ATP2A3: variants seen among roughly 807,000 people sequenced by gnomAD.
ATP2A3 encodes the protein ATPase sarcoplasmic/endoplasmic reticulum Ca2+ transporting 3.
Under a neutral mutation model 106.8 loss-of-function variants are expected in ATP2A3, and 61 were observed. The observed-to-expected ratio is 0.57, with a 90% confidence interval of 0.46 to 0.71. The LOEUF is 0.71. Ranked by LOEUF, ATP2A3 falls within the 30% of genes least tolerant of loss-of-function variation. The pLI is 0.00. For missense variants in ATP2A3, 1,201 were observed against 1,423.5 expected (o/e 0.84, Z 2.52); for synonymous variants, 611 against 609.3 (o/e 1.00, Z -0.04).
Position 3,953,297 on chromosome 17 carries a change from C to T in ATP2A3, c.219+50G>A. 3 of 1,592,628 alleles carry T rather than the reference C, an allele frequency of 1.9e-6. No individual in the cohort carries two copies. The highest frequency in any genetic ancestry group is 2.6e-6 in the Non-Finnish European group (3 of 1,161,012). On this transcript the variant is annotated intron_variant, in intron 3 of 20. Coordinates refer to ENST00000397041, the MANE Select transcript of ATP2A3 (RefSeq NM_005173.4). The surrounding 1 kb of genome is among the most constrained non-coding windows in gnomAD (Gnocchi z 5.1). Reference sequence around the variant, plus strand: ...TCGGAGCACTGCCCAGCCTGGCTCTCCCTCCAGGGCTACCGACTACCACAG... The same window carrying T: ...TCGGAGCACTGCCCAGCCTGGCTCTTCCTCCAGGGCTACCGACTACCACAG...
chr17:3,928,924 G>T lies in ATP2A3; in HGVS notation c.2863-144C>A, dbSNP rs2052878158. 1 of 649,944 alleles carries T rather than the reference G, an allele frequency of 1.5e-6. No homozygotes were observed. The highest frequency in any genetic ancestry group is 2.8e-5 in the East Asian group (1 of 36,164). The allele number at this position is 649,944 out of a possible 1,614,324, so 40.3% of individuals were successfully genotyped here. A position where few individuals can be genotyped will look rare whatever the true frequency, so the allele number is the denominator to read the frequency against. ...CCCCCTGGATGCACCCCCGATCTTT[G>T]TCCACTCAGCTGCACCCCCCGATCT... On this transcript the variant is annotated intron_variant, in intron 19 of 20. Transcript: ENST00000397041. The surrounding 1 kb of genome is among the most constrained non-coding windows in gnomAD (Gnocchi z 6.1).
Position 3,947,916 on chromosome 17 carries a change from T to TGGTTG in ATP2A3, c.631-62_631-61insCAACC. On this transcript the variant is annotated intron_variant, in intron 7 of 20. Coordinates refer to ENST00000397041, the MANE Select transcript of ATP2A3 (RefSeq NM_005173.4). This position sits in a 1 kb window ranked among gnomAD's most constrained non-coding sequence, Gnocchi z 7.7. Reference sequence around the variant, plus strand: ...CAGCCAACCAGGGGCCCAGGACCCCTGACTCCTTCAGGCCGGAATAAGGCA... The same window carrying TGGTTG: ...CAGCCAACCAGGGGCCCAGGACCCCTGGTTGGACTCCTTCAGGCCGGAATAAGGCA... 1 of 1,534,168 alleles carries TGGTTG rather than the reference T, an allele frequency of 6.5e-7. No individual in the cohort carries two copies. The highest frequency in any genetic ancestry group is 8.9e-7 in the Non-Finnish European group (1 of 1,124,954).
At position 3,928,916 on chromosome 17, in the gene ATP2A3, C is replaced by T. The variant is rs549522907; in HGVS notation, c.2863-136G>A. 45 of 666,076 alleles carry T rather than the reference C, an allele frequency of 6.8e-5. No homozygotes were observed. Among genetic ancestry groups the T allele is most frequent in the South Asian group, 1.2e-4 (7 of 56,480 alleles). 41.3% of individuals were successfully genotyped at this position (666,076 alleles called of 1,614,324 possible). A position where few individuals can be genotyped will look rare whatever the true frequency, so the allele number is the denominator to read the frequency against. On this transcript the variant is annotated intron_variant, in intron 19 of 20. Transcript: ENST00000397041. This position sits in a 1 kb window ranked among gnomAD's most constrained non-coding sequence, Gnocchi z 6.1. ...CCTAAGAACCCCCTGGATGCACCCCCGATCTTTGTCCACTCAGCTGCACCC... is the reference window on the plus strand; with the variant it reads ...CCTAAGAACCCCCTGGATGCACCCCTGATCTTTGTCCACTCAGCTGCACCC...
At chr17:3,948,114 G>A (rs2054221582) in intron 7 of ATP2A3, among the ~76,000 whole-genome samples, 1 of 152,200 alleles carries the variant, frequency 6.6e-6, no homozygotes. Context: ...GGGCACAGAG[G>A]AGGCACGGGG....
chr17:3,942,409 G>A (rs1377121824), intron 12 of ATP2A3, among the ~76,000 whole-genome samples, 197 bp downstream of exon 12: 1 of 152,188 alleles, frequency 6.6e-6, no homozygotes, highest in Non-Finnish European at 1.5e-5. Flanking sequence ...CCCTCCCTGG[G>A]ACTCAGTTTC....
At chr17:3,950,979 C>A (rs998859128) in intron 5 of ATP2A3, among the ~76,000 whole-genome samples, 1 of 151,534 alleles carries the variant, frequency 6.6e-6, no homozygotes, top group Non-Finnish European at 1.5e-5. Flanking sequence ...CGACAGCCAC[C>A]CCCTCTGTAT....
intron 14 of ATP2A3, among the ~76,000 whole-genome samples, chr17:3,940,754 C>T (rs976459312): frequency 1.4e-4 from 22 of 152,116 alleles, no homozygotes; most frequent in Admixed American, 2.6e-4. Context: ...CTGATCCGCC[C>T]GCCTCAGCCT....
At chr17:3,935,535 CTT>C (rs10668980) in intron 16 of ATP2A3, among the ~76,000 whole-genome samples, 8 of 114,016 alleles carry the variant, frequency 7.0e-5, no homozygotes, top group Admixed American at 4.0e-4. Context: ...CCTGTTGAGA[CTT>C]TTTTTTTTTT....
At position 3,930,461 on chromosome 17, in the gene ATP2A3, G is replaced by A; in HGVS notation, c.2611-27C>T. On this transcript the variant is annotated intron_variant, in intron 17 of 20. Transcript: ENST00000397041. The surrounding 1 kb of genome is among the most constrained non-coding windows in gnomAD (Gnocchi z 5.4). ...TGGGGGCACCGTGGCAGGTCAGAGA[G>A]AGCGGCAGGTCAGGCGAGGGGCTGG... 2 of 1,612,942 alleles carry A rather than the reference G, an allele frequency of 1.2e-6. No individual in the cohort carries two copies. Among genetic ancestry groups the A allele is most frequent in the Non-Finnish European group, 1.7e-6 (2 of 1,179,908 alleles).
At chr17:3,939,954 C>A (rs993181672) in intron 14 of ATP2A3, among the ~76,000 whole-genome samples, 1 of 148,672 alleles carries the variant, frequency 6.7e-6, no homozygotes, top group African/African-American at 2.5e-5. Context: ...AAACAGTGAT[C>A]GCCTGTTTTG....
intron 1 of ATP2A3, among the ~76,000 whole-genome samples, chr17:3,957,755 C>T (rs190651744): frequency 6.6e-6 from 1 of 152,354 alleles, no homozygotes; most frequent in African/African-American, 2.4e-5. Flanking sequence ...TGAGATAGTT[C>T]CCCTTGAAAT....
At chr17:3,940,577 G>A (rs1471610771) in intron 14 of ATP2A3, among the ~76,000 whole-genome samples, 2 of 152,100 alleles carry the variant, frequency 1.3e-5, no homozygotes, top group Non-Finnish European at 2.9e-5. Context: ...GCGTGATCTC[G>A]GCTCACTGCA....
rs1046595871 is a variant in ATP2A3, at chr17:3,958,831, T to TAC, written c.119-5123_119-5122dup. ...ACATATATATATACACACATATATA[T>TAC]ACACACACACATATATAAATATATA... is the stretch of plus-strand genomic sequence containing the variant. On this transcript the variant is annotated intron_variant, in intron 1 of 20. Coordinates refer to ENST00000397041, the MANE Select transcript of ATP2A3 (RefSeq NM_005173.4). Among the ~76,000 whole-genome samples, 46 of 131,698 alleles carry TAC rather than the reference T, an allele frequency of 3.5e-4. 2 individuals are homozygous for TAC. Among genetic ancestry groups the TAC allele is most frequent in the Middle Eastern group, 3.8e-3 (1 of 260 alleles). 86.4% of individuals were successfully genotyped at this position (131,698 alleles called of 152,430 possible).
intron 14 of ATP2A3, among the ~76,000 whole-genome samples, chr17:3,938,853 T>A (rs954274535): frequency 2.0e-5 from 3 of 152,106 alleles, no homozygotes; most frequent in Admixed American, 2.0e-4. Flanking sequence ...GGAATTCATA[T>A]CAGGGTTAAG....
Position 3,943,499 on chromosome 17 carries a change from C to T in ATP2A3, c.1311G>A (p.Val437=). ...YNEAKGVYEK[V]GEATETALTC... is the part of the protein sequence containing the mutation. ...TCAGAGCTGTCTCCGTGGCCTCTCCCACCTTCTCATACACACCCTTGGCCT... is the reference window on the plus strand; with the variant it reads ...TCAGAGCTGTCTCCGTGGCCTCTCCTACCTTCTCATACACACCCTTGGCCT... The change falls in exon 11 of 21, where the codon GTG becomes GTA. Residue 437 remains valine, a synonymous_variant. Coordinates refer to ENST00000397041, the MANE Select transcript of ATP2A3 (RefSeq NM_005173.4). The T allele has an allele frequency of 1.2e-6, 2 of 1,614,134 alleles. No individual in the cohort carries two copies. The highest frequency in any genetic ancestry group is 1.1e-5 in the South Asian group (1 of 91,084).
Position 3,950,597 on chromosome 17 carries a change from C to G in ATP2A3, c.545-1G>C, listed in dbSNP as rs1388274584. On this transcript the variant is annotated splice_acceptor_variant, in intron 6 of 20. Transcript: ENST00000397041. LOFTEE classifies it high-confidence loss of function. ...TGCTTGGTCACGGACACAGATTCACCTGGTCAGGGAATCAGAGATGAGAAG... is the reference window on the plus strand; with the variant it reads ...TGCTTGGTCACGGACACAGATTCACGTGGTCAGGGAATCAGAGATGAGAAG... The G allele has an allele frequency of 6.2e-7, 1 of 1,614,048 alleles. No homozygotes were observed. The highest frequency in any genetic ancestry group is 1.3e-5 in the African/African-American group (1 of 74,926).
Position 3,953,312 on chromosome 17 carries a change from G to A in ATP2A3, c.219+35C>T, listed in dbSNP as rs375566605. ...GCCTGGCTCTCCCTCCAGGGCTACC[G>A]ACTACCACAGGATGGCTGGCAGGGC... On this transcript the variant is annotated intron_variant, in intron 3 of 20. Coordinates refer to ENST00000397041, the MANE Select transcript of ATP2A3 (RefSeq NM_005173.4). This position sits in a 1 kb window ranked among gnomAD's most constrained non-coding sequence, Gnocchi z 5.1. 22 of 1,607,424 alleles carry A rather than the reference G, an allele frequency of 1.4e-5. No homozygotes were observed. The highest frequency in any genetic ancestry group is 1.2e-4 in the South Asian group (11 of 90,882).
At chr17:3,950,160 ATATT>A (rs2054331859) in intron 7 of ATP2A3, among the ~76,000 whole-genome samples, 1 of 138,768 alleles carries the variant, frequency 7.2e-6, no homozygotes, top group Non-Finnish European at 1.6e-5. Context: ...AGAAAAAAAA[ATATT>A]TTTTTTTTTT....
In ATP2A3 at chr17:3,951,269, C is replaced by G; in HGVS notation, c.445G>C (p.Asp149His). 6.2e-7 allele frequency: 1 copy of G among 1,613,398 alleles called. No individual in the cohort carries two copies. The highest frequency in any genetic ancestry group is 8.5e-7 in the Non-Finnish European group (1 of 1,179,840). Reference sequence around the variant, plus strand: ...GGCATACCTGCCACTTCTACAATGTCCCCTGGGACGATGTCCCGGGCACGG... The same window carrying G: ...GGCATACCTGCCACTTCTACAATGTGCCCTGGGACGATGTCCCGGGCACGG... The part of the protein sequence containing the change: ...RIRARDIVPG[D>H]IVEVAVGDKV... The change falls in exon 5 of 21, where the codon GAC becomes CAC. Residue 149 changes from aspartate to histidine, a missense_variant. Asp to His is a moderately conservative substitution (Grantham distance 81). This residue lies in a region of ATP2A3 where 266 missense variants were observed against 246.8 expected (regional missense o/e 1.08). Coordinates refer to ENST00000397041, the MANE Select transcript of ATP2A3 (RefSeq NM_005173.4).
Sources: gnomAD v4.1 joint callset for allele counts (sites outside exome capture counted in the v4.1 genomes callset) on GRCh38, gnomAD v4.1.1 for gene constraint, gnomAD v4.1.1 regional missense constraint, Gnocchi (gnomAD v3.1) non-coding constraint, MANE v1.5 for transcripts, NCBI Gene and HGNC (gene_info 2026-07-23, HGNC 2026-07-21) for gene names.